Variants in TRDMT1 observed in about 807,000 individuals in gnomAD.
TRDMT1 encodes tRNA aspartic acid methyltransferase 1.
A neutral mutation model predicts 51.2 loss-of-function variants in TRDMT1; 49 were observed. The observed-to-expected ratio is 0.96, with a 90% CI of 0.76 to 1.21. The LOEUF (loss-of-function observed/expected upper bound fraction) is 1.21, where lower values mean the gene tolerates loss of function less well. TRDMT1 is among the 50% of genes most tolerant of loss of function. The pLI, the probability that TRDMT1 is intolerant of heterozygous loss-of-function variation, is 0.00. For synonymous variants in TRDMT1, 187 were observed against 164.6 expected, an observed-to-expected ratio of 1.14 and a Z score of -1.04; for missense variants, 534 against 462.3, an observed-to-expected ratio of 1.16 and a Z score of -1.42.
Position 17,201,640 on chromosome 10 carries a change from C to T in TRDMT1, c.-6G>A, listed in dbSNP as rs1437910737. On this transcript the variant is annotated 5_prime_UTR_variant, in exon 1 of 11. Coordinates refer to ENST00000377799, the MANE Select transcript of TRDMT1 (RefSeq NM_004412.7). ...AGCACCCGCAGGGGCTCCATCCCCG[C>T]GCCTCAGCCGCCGCAGCCCCGGAGC... is the stretch of plus-strand genomic sequence containing the variant. 2 of 1,540,762 alleles carry T rather than the reference C, an allele frequency of 1.3e-6. No individual in the cohort carries two copies. Among genetic ancestry groups the T allele is most frequent in the Admixed American group, 2.0e-5 (1 of 50,526 alleles).
At chr10:17,190,452 CT>C (rs1844542788) in intron 1 of TRDMT1, among the ~76,000 whole-genome samples, 1 of 148,180 alleles carries the variant, frequency 6.7e-6, no homozygotes, top group Non-Finnish European at 1.5e-5. Context: ...AAAAAAACCA[CT>C]TAAACTTAAT....
intron 3 of TRDMT1, among the ~76,000 whole-genome samples, chr10:17,163,751 A>G (rs1293472909): frequency 6.6e-6 from 1 of 152,228 alleles, no homozygotes; most frequent in East Asian, 1.9e-4. Flanking sequence ...CTACACAAAT[A>G]AACTAGAAAA....
intron 1 of TRDMT1, among the ~76,000 whole-genome samples, chr10:17,199,800 T>C (rs1186754985): frequency 6.6e-6 from 1 of 152,206 alleles, no homozygotes; most frequent in Non-Finnish European, 1.5e-5. Context: ...GTTAATAATT[T>C]AAATTACAGA....
At position 17,148,637 on chromosome 10, in the gene TRDMT1, CATT is replaced by C. The variant is rs1838319547; in HGVS notation, c.*400_*402del. ...ACATTCAATGGGCTAGAATTAGAAT[CATT>C]ATTTTAAAATTAGAAATAAAAAACT... On this transcript the variant is annotated 3_prime_UTR_variant, in exon 11 of 11. Coordinates refer to ENST00000377799, the MANE Select transcript of TRDMT1 (RefSeq NM_004412.7). 2.1e-6 allele frequency: 2 copies of C among 966,724 alleles called. No individual in the cohort carries two copies. The highest frequency in any genetic ancestry group is 1.8e-5 in the African/African-American group (1 of 56,890). The allele number at this position is 966,724 out of a possible 1,614,324, so 59.9% of individuals were successfully genotyped here.
chr10:17,157,624 G>A lies in TRDMT1; in HGVS notation c.704C>T (p.Ala235Val), dbSNP rs774916290. Residue 235 changes from alanine to valine, a missense_variant, in exon 8 of 11, where the codon GCA becomes GTA. Physicochemically the swap from Ala to Val is moderately conservative, Grantham distance 64. Coordinates refer to ENST00000377799, the MANE Select transcript of TRDMT1 (RefSeq NM_004412.7). ...KDAILFKLET[A>V]EEIHRKNQQD... The stretch of plus-strand genomic sequence containing the variant: ...TTGATTTTTCCTGTGAATTTCTTCT[G>A]CAGTTTCAAGCTTAAAAAGAATGGC... The A allele has an allele frequency of 6.2e-7, 1 of 1,613,764 alleles. No homozygotes were observed. The highest frequency in any genetic ancestry group is 1.7e-5 in the Admixed American group (1 of 59,986).
At chr10:17,150,987 T>A (rs1838627806) in intron 10 of TRDMT1, 1 of 984,894 alleles carries the variant, frequency 1.0e-6, no homozygotes, top group African/African-American at 1.7e-5. Flanking sequence ...TTCGTACAAA[T>A]TATATCTATG....
At chr10:17,200,690 G>T (rs1846037221) in intron 1 of TRDMT1, 1 of 156,454 alleles carries the variant, frequency 6.4e-6, no homozygotes, top group Non-Finnish European at 1.5e-5. Context: ...AAATAATTTT[G>T]AGTGAATATC....
At chr10:17,174,494 G>GT in intron 2 of TRDMT1, 57 bp downstream of exon 2, 1 of 1,246,274 alleles carries the variant, frequency 8.0e-7, no homozygotes, top group Non-Finnish European at 1.2e-6. Flanking sequence ...ATTAGGCAGT[G>GT]TTTTTCAATC....
chr10:17,148,512 G>C lies in TRDMT1; in HGVS notation c.*528C>G. 1.0e-6 allele frequency: 1 copy of C among 985,354 alleles called. No individual in the cohort carries two copies. Among genetic ancestry groups the C allele is most frequent in the Non-Finnish European group, 1.2e-6 (1 of 829,908 alleles). 61.0% of individuals were successfully genotyped at this position (985,354 alleles called of 1,614,324 possible). On this transcript the variant is annotated 3_prime_UTR_variant, in exon 11 of 11. Transcript: ENST00000377799. Reference sequence around the variant, plus strand: ...ATTATTTTTCCTGACATATTCTTCAGTCTGCTGTATAAACTGAATGATGAT... The same window carrying C: ...ATTATTTTTCCTGACATATTCTTCACTCTGCTGTATAAACTGAATGATGAT...
chr10:17,144,663 G>T lies in TRDMT1; in HGVS notation c.*4377C>A. The T allele has an allele frequency of 5.1e-6, 5 of 985,256 alleles. No homozygotes were observed. The highest frequency in any genetic ancestry group is 6.0e-6 in the Non-Finnish European group (5 of 829,860). 61.0% of individuals were successfully genotyped at this position (985,256 alleles called of 1,614,324 possible). A position where few individuals can be genotyped will look rare whatever the true frequency, so the allele number is the denominator to read the frequency against. On this transcript the variant is annotated 3_prime_UTR_variant, in exon 11 of 11. Transcript: ENST00000377799. Reference sequence around the variant, plus strand: ...TTTCTTGAACAAATATATTTAAAAAGAAATAAATTCACAAGCTAAGACATG... The same window carrying T: ...TTTCTTGAACAAATATATTTAAAAATAAATAAATTCACAAGCTAAGACATG...
At chr10:17,177,454 A>G (rs151222473) in intron 1 of TRDMT1, among the ~76,000 whole-genome samples, 2,908 of 152,148 alleles carry the variant, frequency 0.019, 95 homozygotes, top group African/African-American at 0.066. Flanking sequence ...TGCCTGCCTC[A>G]GCCTTCCAAA....
At chr10:17,196,825 GT>G (rs1845509534) in intron 1 of TRDMT1, among the ~76,000 whole-genome samples, 1 of 152,150 alleles carries the variant, frequency 6.6e-6, no homozygotes, top group Non-Finnish European at 1.5e-5. Context: ...TAAGACCTCA[GT>G]TTAGAGTTAG....
At chr10:17,185,800 G>A (rs894389994) in intron 1 of TRDMT1, among the ~76,000 whole-genome samples, 1 of 152,034 alleles carries the variant, frequency 6.6e-6, no homozygotes, top group Non-Finnish European at 1.5e-5. Flanking sequence ...GCAAACTATT[G>A]CAAGGACAGA....
Position 17,146,788 on chromosome 10 carries a change from A to G in TRDMT1, c.*2252T>C, listed in dbSNP as rs548134776. 8.1e-6 allele frequency: 8 copies of G among 985,442 alleles called. No individual in the cohort carries two copies. Among genetic ancestry groups the G allele is most frequent in the African/African-American group, 3.5e-5 (2 of 57,376 alleles). 61.0% of individuals were successfully genotyped at this position (985,442 alleles called of 1,614,324 possible). ...AATTTTATATACAGCATTATTACCA[A>G]AAGCATATAGCAGACATTCCATAAA... On this transcript the variant is annotated 3_prime_UTR_variant, in exon 11 of 11. Coordinates refer to ENST00000377799, the MANE Select transcript of TRDMT1 (RefSeq NM_004412.7).
chr10:17,188,359 G>C (rs1010155875), intron 1 of TRDMT1, among the ~76,000 whole-genome samples: 1 of 152,144 alleles, frequency 6.6e-6, no homozygotes, highest in Admixed American at 6.5e-5. Context: ...ACCCTGTCAA[G>C]TGTTTATTCA....
Position 17,201,634 on chromosome 10 carries a change from TC to T in TRDMT1, c.-1del. ...AGCTCCAGCACCCGCAGGGGCTCCATCCCCGCGCCTCAGCCGCCGCAGCCCC... is the reference window on the plus strand; with the variant it reads ...AGCTCCAGCACCCGCAGGGGCTCCATCCCGCGCCTCAGCCGCCGCAGCCCC... On this transcript the variant is annotated 5_prime_UTR_variant, in exon 1 of 11. Transcript: ENST00000377799. 6.5e-7 allele frequency: 1 copy of T among 1,540,796 alleles called. No individual in the cohort carries two copies. The highest frequency in any genetic ancestry group is 8.7e-7 in the Non-Finnish European group (1 of 1,143,906).
intron 1 of TRDMT1, among the ~76,000 whole-genome samples, chr10:17,181,964 A>G (rs1843336933): frequency 6.6e-6 from 1 of 152,138 alleles, no homozygotes; most frequent in East Asian, 1.9e-4. Context: ...GATGGCCTCA[A>G]ATCCCCTTCT....
chr10:17,186,138 T>A (rs1298132579), intron 1 of TRDMT1, among the ~76,000 whole-genome samples: 12 of 152,092 alleles, frequency 7.9e-5, no homozygotes, highest in Non-Finnish European at 1.3e-4. Context: ...TTTCAATGAA[T>A]ATTTGGTGGT....
intron 4 of TRDMT1, among the ~76,000 whole-genome samples, chr10:17,161,784 G>T (rs1840389223): frequency 6.6e-6 from 1 of 152,094 alleles, no homozygotes; most frequent in Non-Finnish European, 1.5e-5. Flanking sequence ...TCAAGCATGG[G>T]TTCACACAGA....
Sources: allele counts gnomAD v4.1 joint callset (sites outside exome capture counted in the v4.1 genomes callset), GRCh38; gene constraint gnomAD v4.1.1; transcripts MANE v1.5; gene names NCBI Gene and HGNC (gene_info 2026-07-23, HGNC 2026-07-21).